RAP1GAP2: variants seen among roughly 807,000 people sequenced by gnomAD.
RAP1GAP2 encodes RAP1 GTPase activating protein 2, also known as rap1 GTPase-activating protein 2.
In RAP1GAP2, 27 loss-of-function variants were observed where a neutral mutation model predicts 95.0. The ratio of observed to expected loss-of-function variants is 0.28; its 90% CI spans 0.21 to 0.39. The LOEUF (loss-of-function observed/expected upper bound fraction) is 0.39, where lower values mean the gene tolerates loss of function less well. RAP1GAP2 is among the 10% of genes least tolerant of loss of function. RAP1GAP2 has a pLI of 1.00. For missense variants in RAP1GAP2, 771 were observed against 970.0 expected (o/e 0.79, Z 2.72); for synonymous variants, 373 against 380.9 (o/e 0.98, Z 0.24).
intron 3 of RAP1GAP2, among the ~76,000 whole-genome samples, chr17:2,947,707 G>A (rs1314079827): frequency 1.3e-5 from 2 of 152,002 alleles, no homozygotes; most frequent in African/African-American, 4.8e-5. Context: ...GGGGACTTCT[G>A]GACCGGTAGC....
chr17:2,849,103 G>A (rs1207187013), intron 2 of RAP1GAP2, among the ~76,000 whole-genome samples: 2 of 152,208 alleles, frequency 1.3e-5, no homozygotes, highest in Non-Finnish European at 2.9e-5. Context: ...AGAAGAGAGC[G>A]GGGGTGCTGG....
rs1248955892 is a variant in RAP1GAP2, at chr17:2,839,918, C to T, written c.80+39368C>T. On this transcript the variant is annotated intron_variant, in intron 2 of 24. Coordinates refer to ENST00000254695, the MANE Select transcript of RAP1GAP2 (RefSeq NM_015085.5). ...GGTTCAAGTGATTCTCCTGCCTCAG[C>T]CTCCGGAGTAGCTGGGATTACAGGC... Among the ~76,000 whole-genome samples, 5 of 152,060 alleles carry T rather than the reference C, an allele frequency of 3.3e-5. No individual in the cohort carries two copies. In the East Asian group the frequency reaches 9.6e-4, roughly 29 times the overall value.
At chr17:2,828,012 A>C (rs2070655127) in intron 2 of RAP1GAP2, among the ~76,000 whole-genome samples, 1 of 152,140 alleles carries the variant, frequency 6.6e-6, no homozygotes, top group African/African-American at 2.4e-5. Context: ...AGATGAGCCG[A>C]GCACTTGACC....
chr17:2,801,421 G>A (rs1266806922), intron 2 of RAP1GAP2, among the ~76,000 whole-genome samples: 2 of 149,948 alleles, frequency 1.3e-5, no homozygotes, highest in African/African-American at 2.5e-5. Context: ...GTTGCATTGA[G>A]CCGAGATCAC....
chr17:2,981,893 T>C (rs1349456682), intron 10 of RAP1GAP2, among the ~76,000 whole-genome samples: 1 of 152,154 alleles, frequency 6.6e-6, no homozygotes, highest in Non-Finnish European at 1.5e-5. Context: ...TTGCTTGAAA[T>C]TGGCCACAGG....
At chr17:2,888,436 G>A (rs984400048) in intron 2 of RAP1GAP2, among the ~76,000 whole-genome samples, 1 of 152,034 alleles carries the variant, frequency 6.6e-6, no homozygotes, top group Non-Finnish European at 1.5e-5. Flanking sequence ...GCCCTTCTCA[G>A]CCTCTGCTGA....
chr17:2,822,495 T>G (rs1355600612), intron 2 of RAP1GAP2, among the ~76,000 whole-genome samples: 2 of 152,020 alleles, frequency 1.3e-5, no homozygotes, highest in Non-Finnish European at 2.9e-5. Context: ...TGTTGTGTGG[T>G]ATGTGCCTGT....
At chr17:2,763,269 G>A (rs957015593) in intron 1 of RAP1GAP2, among the ~76,000 whole-genome samples, 4 of 152,274 alleles carry the variant, frequency 2.6e-5, no homozygotes, top group East Asian at 1.9e-4. Context: ...GGCTGGCTTC[G>A]AAGACCAGAG....
intron 3 of RAP1GAP2, among the ~76,000 whole-genome samples, chr17:2,941,273 G>A (rs900386579): frequency 6.6e-6 from 1 of 152,060 alleles, no homozygotes; most frequent in African/African-American, 2.4e-5. Flanking sequence ...ATGGTGGCAC[G>A]TGCTTGTAAT....
intron 2 of RAP1GAP2, among the ~76,000 whole-genome samples, chr17:2,895,885 C>A (rs2041806602): frequency 6.6e-6 from 1 of 152,200 alleles, no homozygotes; most frequent in African/African-American, 2.4e-5. Context: ...GCCTGCCCTC[C>A]CCTTTTGCCA....
chr17:2,876,474 G>C (rs534135277), intron 2 of RAP1GAP2, among the ~76,000 whole-genome samples: 2 of 152,200 alleles, frequency 1.3e-5, no homozygotes, highest in African/African-American at 4.8e-5. Context: ...GGGTTTTGGA[G>C]GGTCCATAGG....
Position 3,018,293 on chromosome 17 carries a change from G to A in RAP1GAP2, c.1632+95G>A. ...AGTGCCCCCACCCAGGCTTGGGCAGGTGACTTGATCAGGGCAAGCTGGATG... is the reference window on the plus strand; with the variant it reads ...AGTGCCCCCACCCAGGCTTGGGCAGATGACTTGATCAGGGCAAGCTGGATG... On this transcript the variant is annotated intron_variant, in intron 18 of 24. Coordinates refer to ENST00000254695, the MANE Select transcript of RAP1GAP2 (RefSeq NM_015085.5). 4.1e-6 allele frequency: 6 copies of A among 1,456,066 alleles called. No individual in the cohort carries two copies. The South Asian group carries it at 7.9e-5, about 19-fold the overall frequency. 90.2% of individuals were successfully genotyped at this position (1,456,066 alleles called of 1,614,324 possible).
At chr17:2,962,288 C>T in intron 4 of RAP1GAP2, 1 of 245,708 alleles carries the variant, frequency 4.1e-6, no homozygotes, top group South Asian at 5.0e-5. Flanking sequence ...AGTCAGTGTT[C>T]CAAGTGCTCA....
At chr17:3,016,620 C>T (rs571585852) in intron 17 of RAP1GAP2, among the ~76,000 whole-genome samples, 4 of 152,208 alleles carry the variant, frequency 2.6e-5, no homozygotes, top group Non-Finnish European at 4.4e-5. Flanking sequence ...TTTCCTGCTG[C>T]GGGTCTCCCA....
At chr17:2,764,413 G>A (rs549622877) in intron 1 of RAP1GAP2, among the ~76,000 whole-genome samples, 2 of 149,542 alleles carry the variant, frequency 1.3e-5, no homozygotes, top group African/African-American at 4.9e-5. Context: ...GACGCAGCAA[G>A]ACTCTGTCTC....
At chr17:2,947,423 G>A (rs1026543935) in intron 3 of RAP1GAP2, among the ~76,000 whole-genome samples, 1 of 152,088 alleles carries the variant, frequency 6.6e-6, no homozygotes, top group African/African-American at 2.4e-5. Flanking sequence ...GGCCCGTCCA[G>A]CCCTGACTCT....
chr17:2,761,162 C>T (rs2071239701), intron 1 of RAP1GAP2, among the ~76,000 whole-genome samples: 1 of 151,796 alleles, frequency 6.6e-6, no homozygotes. Context: ...ACCTTGTTGG[C>T]CAGGCTGGTC....
intron 2 of RAP1GAP2, among the ~76,000 whole-genome samples, chr17:2,881,987 A>AT (rs1223844954): frequency 1.3e-5 from 2 of 150,030 alleles, no homozygotes; most frequent in Non-Finnish European, 3.0e-5. Context: ...CGCCTGGCTA[A>AT]TTTTTTGTAT....
chr17:2,949,884 A>C (rs955067808), intron 3 of RAP1GAP2, among the ~76,000 whole-genome samples: 2 of 152,186 alleles, frequency 1.3e-5, no homozygotes, highest in Non-Finnish European at 2.9e-5. Flanking sequence ...GGCCCAGCCA[A>C]GGCCATGCTG....
Sources: allele counts gnomAD v4.1 joint callset (sites outside exome capture counted in the v4.1 genomes callset), GRCh38; gene constraint gnomAD v4.1.1; transcripts MANE v1.5; gene names NCBI Gene and HGNC (gene_info 2026-07-23, HGNC 2026-07-21).